TEX11: variants seen among roughly 807,000 people sequenced by gnomAD.
TEX11 encodes the protein testis-expressed protein 11.
A neutral mutation model predicts 84.4 loss-of-function variants in TEX11; 7 were observed. The observed-to-expected ratio is 0.08, with a 90% CI of 0.05 to 0.16. TEX11 has a LOEUF of 0.16. TEX11 is among the 10% of genes least tolerant of loss of function. The pLI is 1.00. For missense variants in TEX11, 551 were observed against 660.5 expected, an observed-to-expected ratio of 0.83 and a Z score of 1.82; for synonymous variants, 264 against 222.8, an observed-to-expected ratio of 1.18 and a Z score of -1.64.
intron 17 of TEX11, among the ~76,000 whole-genome samples, chrX:70,648,485 TAAAA>T (rs963166988): frequency 9.0e-6 from 1 of 110,558 alleles, no homozygotes; most frequent in East Asian, 2.8e-4. Context: ...ATTTGCCAAT[TAAAA>T]AAATAAGTTT....
intron 4 of TEX11, among the ~76,000 whole-genome samples, chrX:70,871,887 C>T (rs183957106): frequency 0.064 from 6,757 of 106,176 alleles, 251 homozygotes; most frequent in Non-Finnish European, 0.1. Context: ...CAGCACCCCC[C>T]CTTTTTTTTA....
chrX:70,686,957 A>T (rs1189516776), intron 13 of TEX11, among the ~76,000 whole-genome samples: 1 of 111,935 alleles, frequency 8.9e-6, no homozygotes, highest in Non-Finnish European at 1.9e-5. Flanking sequence ...CCTTATTTAT[A>T]CATAGGTAGA....
At chrX:70,757,393 G>T (rs2090875049) in intron 9 of TEX11, among the ~76,000 whole-genome samples, 1 of 111,880 alleles carries the variant, frequency 8.9e-6, no homozygotes, top group Admixed American at 9.5e-5. Flanking sequence ...TACCCACAAA[G>T]GGAAGCCCAT....
rs2090218795 is a variant in TEX11, at chrX:70,689,726, AGAAGAG to A, written c.1005-6907_1005-6902del. Among the ~76,000 whole-genome samples the A allele has an allele frequency of 5.3e-5, 6 of 112,209 alleles. No homozygotes were observed. In the East Asian group the frequency reaches 1.7e-3, roughly 31 times the overall value. On this transcript the variant is annotated intron_variant, in intron 13 of 29. Transcript: ENST00000374333. ...GGTTGAACAAATTAACGAATTAGGG[AGAAGAG>A]ACAAATTTCCCATGTAGAAGAATTC...
chrX:70,594,133 C>T (rs977465318), intron 24 of TEX11, among the ~76,000 whole-genome samples: 28 of 111,014 alleles, frequency 2.5e-4, no homozygotes, highest in Admixed American at 1.7e-3. Context: ...AAACATGACT[C>T]GCCACATGTA....
chrX:70,685,488 G>A (rs932190896), intron 13 of TEX11, among the ~76,000 whole-genome samples: 1 of 112,132 alleles, frequency 8.9e-6, no homozygotes, highest in African/African-American at 3.2e-5. Context: ...ACTTGAAACT[G>A]TAGAACTCCT....
At chrX:70,690,573 G>A (rs2090225767) in intron 13 of TEX11, among the ~76,000 whole-genome samples, 1 of 110,793 alleles carries the variant, frequency 9.0e-6, no homozygotes, top group South Asian at 3.9e-4. Flanking sequence ...GAGTGTGGTG[G>A]TGTGTGCCTA....
intron 13 of TEX11, among the ~76,000 whole-genome samples, chrX:70,696,454 A>G (rs1246521340): frequency 8.9e-6 from 1 of 111,913 alleles, no homozygotes; most frequent in Admixed American, 9.5e-5. Flanking sequence ...GTTGTAAAAC[A>G]TTGCCACAAA....
At chrX:70,634,951 C>T (rs1017002753) in intron 17 of TEX11, among the ~76,000 whole-genome samples, 11 of 111,686 alleles carry the variant, frequency 9.8e-5, no homozygotes, top group African/African-American at 2.9e-4. Flanking sequence ...TCATGAAAGA[C>T]GGTGTTAATA....
chrX:70,790,602 A>T (rs2091112059), intron 9 of TEX11, among the ~76,000 whole-genome samples: 1 of 112,286 alleles, frequency 8.9e-6, no homozygotes, highest in Non-Finnish European at 1.9e-5. Flanking sequence ...CACGACCCTG[A>T]TGACTGCTGG....
At chrX:70,679,381 C>T (rs1481147811) in intron 14 of TEX11, among the ~76,000 whole-genome samples, 42 of 108,895 alleles carry the variant, frequency 3.9e-4, no homozygotes, top group African/African-American at 1.3e-3. Flanking sequence ...AAGTGAGGAG[C>T]GTCTCTGCCC....
intron 17 of TEX11, among the ~76,000 whole-genome samples, chrX:70,636,281 G>A (rs891111213): frequency 9.1e-5 from 10 of 110,415 alleles, no homozygotes; most frequent in African/African-American, 2.0e-4. Flanking sequence ...CTTGTGGCCC[G>A]AGGCTCCACA....
intron 13 of TEX11, among the ~76,000 whole-genome samples, chrX:70,715,268 G>A: frequency 9.1e-6 from 1 of 109,827 alleles, no homozygotes; most frequent in East Asian, 2.8e-4. Flanking sequence ...ACAATTATGT[G>A]TCTTGGAGTT....
At chrX:70,628,224 T>C (rs2089470532) in intron 18 of TEX11, among the ~76,000 whole-genome samples, 3 of 95,465 alleles carry the variant, frequency 3.1e-5, no homozygotes, top group African/African-American at 1.2e-4. Context: ...AGTGAGACTT[T>C]GTCAAAAAAA....
chrX:70,838,469 C>A (rs1327177652), intron 7 of TEX11, among the ~76,000 whole-genome samples: 2 of 112,152 alleles, frequency 1.8e-5, no homozygotes, highest in African/African-American at 6.5e-5. Context: ...ATACCACCAC[C>A]AATTTCATCA....
intron 13 of TEX11, among the ~76,000 whole-genome samples, chrX:70,697,259 A>T (rs193291089): frequency 1.8e-5 from 2 of 111,818 alleles, no homozygotes; most frequent in African/African-American, 6.5e-5. Context: ...ACATATTCAG[A>T]ATCAATTTTG....
intron 2 of TEX11, chrX:70,897,374 G>A (rs974673565): frequency 3.8e-5 from 4 of 104,438 alleles, no homozygotes; most frequent in South Asian, 4.3e-4. Context: ...GGCAGATCAC[G>A]AGGTCAGGAG....
At chrX:70,618,700 A>C (rs944909650) in intron 20 of TEX11, among the ~76,000 whole-genome samples, 2 of 111,931 alleles carry the variant, frequency 1.8e-5, no homozygotes, top group African/African-American at 6.5e-5. Context: ...GCAGTGGTAG[A>C]TGCAAATGCT....
the TEX11 span, among the ~76,000 whole-genome samples, chrX:70,523,548 A>C: frequency 2.4e-4 from 26 of 110,497 alleles, no homozygotes; most frequent in Non-Finnish European, 3.4e-4. Context: ...ACTGCAAGCT[A>C]TGCCTCCCGG....
Sources: allele counts gnomAD v4.1 joint callset (sites outside exome capture counted in the v4.1 genomes callset), GRCh38; gene constraint gnomAD v4.1.1; transcripts MANE v1.5; gene names NCBI Gene and HGNC (gene_info 2026-07-23, HGNC 2026-07-21).